SPIDR: variants seen among roughly 807,000 people sequenced by gnomAD.
SPIDR encodes the protein DNA repair-scaffolding protein.
Under a neutral mutation model 104.6 loss-of-function variants are expected in SPIDR, and 93 were observed. The ratio of observed to expected loss-of-function variants is 0.89; its 90% CI spans 0.75 to 1.06. The LOEUF is 1.06. Among genes scored for constraint, SPIDR ranks in the 50% least tolerant of loss-of-function variants. The pLI, the probability that SPIDR is intolerant of heterozygous loss-of-function variation, is 0.00. For missense variants in SPIDR, 1,154 were observed against 1,111.2 expected (o/e 1.04, Z -0.55); for synonymous variants, 431 against 416.9 (o/e 1.03, Z -0.41).
chr8:47,461,410 C>T (rs1484519602), intron 8 of SPIDR, among the ~76,000 whole-genome samples: 2 of 152,164 alleles, frequency 1.3e-5, no homozygotes, highest in African/African-American at 4.8e-5. Flanking sequence ...CTCCCGGATT[C>T]AAGCGATTCT....
intron 5 of SPIDR, among the ~76,000 whole-genome samples, chr8:47,336,458 G>C (rs2049768492): frequency 6.6e-6 from 1 of 152,172 alleles, no homozygotes; most frequent in African/African-American, 2.4e-5. Context: ...CCCTCTCCCT[G>C]ACCAACTAAA....
chr8:47,363,919 A>G (rs1204400951), intron 5 of SPIDR, among the ~76,000 whole-genome samples: 1 of 150,664 alleles, frequency 6.6e-6, no homozygotes, highest in Non-Finnish European at 1.5e-5. Flanking sequence ...ACTCTCTTCT[A>G]GCAAGGTCTA....
At chr8:47,695,335 T>A (rs1385716444) in intron 11 of SPIDR, among the ~76,000 whole-genome samples, 1 of 151,900 alleles carries the variant, frequency 6.6e-6, no homozygotes, top group African/African-American at 2.4e-5. Context: ...AGCAGCAACA[T>A]GACAAATTTT....
At chr8:47,480,208 A>C (rs2076745567) in intron 8 of SPIDR, among the ~76,000 whole-genome samples, 1 of 152,204 alleles carries the variant, frequency 6.6e-6, no homozygotes, top group Admixed American at 6.5e-5. Flanking sequence ...TTTAGAGGTG[A>C]ATATAAAGAA....
intron 11 of SPIDR, among the ~76,000 whole-genome samples, chr8:47,688,813 C>T (rs1287837211): frequency 1.3e-5 from 2 of 152,192 alleles, no homozygotes; most frequent in African/African-American, 4.8e-5. Context: ...GTTCCTGCTG[C>T]TCTGCTGTCT....
intron 5 of SPIDR, among the ~76,000 whole-genome samples, chr8:47,351,670 C>G (rs1289068292): frequency 6.6e-6 from 1 of 152,136 alleles, no homozygotes; most frequent in Admixed American, 6.5e-5. Context: ...TTTGGAAAGA[C>G]AAATTCTACA....
intron 8 of SPIDR, among the ~76,000 whole-genome samples, chr8:47,532,140 G>A (rs1033257404): frequency 2.0e-5 from 3 of 150,058 alleles, no homozygotes; most frequent in Middle Eastern, 3.4e-3. Flanking sequence ...GCGCGATCTC[G>A]GCTCACTGCA....
intron 8 of SPIDR, among the ~76,000 whole-genome samples, chr8:47,558,568 G>T (rs1275796148): frequency 2.6e-5 from 4 of 151,952 alleles, no homozygotes; most frequent in Admixed American, 2.6e-4. Context: ...GTAAGTTAAG[G>T]TTACACTCAG....
intron 14 of SPIDR, among the ~76,000 whole-genome samples, chr8:47,710,527 G>A (rs1283344771): frequency 6.6e-6 from 1 of 150,756 alleles, no homozygotes; most frequent in Non-Finnish European, 1.5e-5. Flanking sequence ...GGAATGCAAT[G>A]GTGCAATCTC....
At chr8:47,674,037 A>G (rs975561984) in intron 11 of SPIDR, 96 bp downstream of exon 11, 1 of 1,435,444 alleles carries the variant, frequency 7.0e-7, no homozygotes, top group Non-Finnish European at 9.3e-7. Context: ...TTAAAAGGCA[A>G]TAAACCAGGA....
At chr8:47,710,889 C>T (rs895375092) in intron 14 of SPIDR, among the ~76,000 whole-genome samples, 1 of 152,086 alleles carries the variant, frequency 6.6e-6, no homozygotes, top group Non-Finnish European at 1.5e-5. Context: ...AAGCAATTCT[C>T]CTACCTCAGC....
chr8:47,382,920 T>C (rs1255569789), intron 5 of SPIDR, among the ~76,000 whole-genome samples: 13 of 152,210 alleles, frequency 8.5e-5, no homozygotes, highest in African/African-American at 2.4e-4. Flanking sequence ...CTTTTTCTTA[T>C]CGTTTTGACT....
intron 10 of SPIDR, among the ~76,000 whole-genome samples, chr8:47,600,099 C>G (rs1226421123): frequency 6.6e-6 from 1 of 152,074 alleles, no homozygotes; most frequent in South Asian, 2.1e-4. Context: ...TGATAATTGC[C>G]CTCAAAGAAG....
chr8:47,411,830 T>A (rs1461037021), intron 7 of SPIDR, among the ~76,000 whole-genome samples: 2 of 152,242 alleles, frequency 1.3e-5, no homozygotes, highest in Admixed American at 1.3e-4. Context: ...TTAATTTTTG[T>A]ATAAGGTGTA....
intron 5 of SPIDR, among the ~76,000 whole-genome samples, chr8:47,363,095 T>G (rs1276870074): frequency 6.6e-6 from 1 of 152,040 alleles, no homozygotes; most frequent in African/African-American, 2.4e-5. Context: ...AGGGCTCACA[T>G]TACAGTAAGC....
intron 1 of SPIDR, among the ~76,000 whole-genome samples, chr8:47,271,596 C>T (rs1260765555): frequency 1.3e-5 from 2 of 152,042 alleles, no homozygotes; most frequent in South Asian, 2.1e-4. Context: ...TATTGATATT[C>T]GCTATTTGGT....
At chr8:47,381,565 T>C (rs2059330685) in intron 5 of SPIDR, among the ~76,000 whole-genome samples, 1 of 152,230 alleles carries the variant, frequency 6.6e-6, no homozygotes, top group Non-Finnish European at 1.5e-5. Context: ...GAACTCAGGA[T>C]AGGCAGGGTG....
intron 10 of SPIDR, among the ~76,000 whole-genome samples, chr8:47,657,738 TA>T (rs1160906838): frequency 6.6e-6 from 1 of 152,042 alleles, no homozygotes; most frequent in African/African-American, 2.4e-5. Flanking sequence ...TTTCAATTAA[TA>T]AAAAGGCAGG....
chr8:47,420,790 G>T (rs535051264), intron 7 of SPIDR, among the ~76,000 whole-genome samples: 1 of 152,314 alleles, frequency 6.6e-6, no homozygotes, highest in African/African-American at 2.4e-5. Context: ...TCCTTCAGGA[G>T]CTCTTTTAGG....
Sources: allele counts gnomAD v4.1 joint callset (sites outside exome capture counted in the v4.1 genomes callset), GRCh38; gene constraint gnomAD v4.1.1; transcripts MANE v1.5; gene names NCBI Gene and HGNC (gene_info 2026-07-23, HGNC 2026-07-21).